Variants in SRPK1 observed in about 807,000 individuals in gnomAD.
The protein encoded by SRPK1 is SFRS protein kinase 1.
SRPK1 carries 52 observed loss-of-function variants against 89.5 expected under a neutral mutation model. The observed-to-expected ratio is 0.58, with a 90% CI of 0.46 to 0.73. The LOEUF is 0.73. Ranked by LOEUF, SRPK1 falls within the 30% of genes least tolerant of loss-of-function variation. The probability of loss-of-function intolerance (pLI) is 0.00; values close to 1 mark genes in which losing one functional copy is unlikely to be tolerated. For synonymous variants in SRPK1, 255 were observed against 270.2 expected (o/e 0.94, Z 0.55); for missense variants, 603 against 780.6 (o/e 0.77, Z 2.71).
chr6:35,884,334 T>C (rs1324802835), intron 6 of SRPK1, among the ~76,000 whole-genome samples: 2 of 152,200 alleles, frequency 1.3e-5, no homozygotes, highest in Non-Finnish European at 2.9e-5. Flanking sequence ...CCAGTTTATA[T>C]GGAATTCTGT....
At chr6:35,908,608 G>A (rs931344414) in intron 2 of SRPK1, among the ~76,000 whole-genome samples, 1 of 152,182 alleles carries the variant, frequency 6.6e-6, no homozygotes, top group Admixed American at 6.5e-5. Context: ...TTGAAATTGG[G>A]ACTTATGTTT....
At chr6:35,897,431 G>A (rs553530768) in intron 2 of SRPK1, among the ~76,000 whole-genome samples, 1 of 152,314 alleles carries the variant, frequency 6.6e-6, no homozygotes, top group South Asian at 2.1e-4. Flanking sequence ...AAAGCAATGG[G>A]TAAAAGTAGT....
At chr6:35,835,977 A>C (rs1015876286) in intron 15 of SRPK1, among the ~76,000 whole-genome samples, 11 of 152,248 alleles carry the variant, frequency 7.2e-5, no homozygotes, top group South Asian at 6.2e-4. Flanking sequence ...AACAAAAAAA[A>C]CCCCAAATCC....
At chr6:35,920,981 G>A in intron 1 of SRPK1, 63 bp downstream of exon 1, 2 of 1,511,448 alleles carry the variant, frequency 1.3e-6, no homozygotes, top group Non-Finnish European at 1.8e-6. Context: ...AGCTCCCGGC[G>A]CTGACCCGGG....
chr6:35,902,266 A>T (rs2127264002), intron 2 of SRPK1, among the ~76,000 whole-genome samples: 1 of 150,560 alleles, frequency 6.6e-6, no homozygotes, highest in South Asian at 2.1e-4. Context: ...AAAAAAGATT[A>T]GCCAGTCTTG....
chr6:35,870,711 G>A (rs565508950), intron 9 of SRPK1, among the ~76,000 whole-genome samples: 15 of 152,246 alleles, frequency 9.9e-5, no homozygotes, highest in South Asian at 2.1e-4. Flanking sequence ...TGAGCAGTCC[G>A]TGGGGTTGGT....
intron 7 of SRPK1, among the ~76,000 whole-genome samples, chr6:35,873,973 G>A (rs1031308475): frequency 6.6e-6 from 1 of 151,788 alleles, no homozygotes; most frequent in African/African-American, 2.4e-5. Flanking sequence ...GACTACAGGT[G>A]CCTGCCAAGA....
Position 35,833,628 on chromosome 6 carries a change from G to A in SRPK1, c.*1676C>T, listed in dbSNP as rs932408707. 3 of 152,618 alleles carry A rather than the reference G, an allele frequency of 2.0e-5. No individual in the cohort carries two copies. The highest frequency in any genetic ancestry group is 7.2e-5 in the African/African-American group (3 of 41,434). The allele number at this position is 152,618 out of a possible 1,614,324, so 9.5% of individuals were successfully genotyped here. A position where few individuals can be genotyped will look rare whatever the true frequency, so the allele number is the denominator to read the frequency against. On this transcript the variant is annotated 3_prime_UTR_variant, in exon 16 of 16. Transcript: ENST00000373825. Reference sequence around the variant, plus strand: ...TCTACAGGAACATGTCTGATTTCAGGAGTACCCAATGAAGGATCCGATGAA... The same window carrying A: ...TCTACAGGAACATGTCTGATTTCAGAAGTACCCAATGAAGGATCCGATGAA...
At position 35,913,969 on chromosome 6, in the gene SRPK1, C is replaced by CTTT. The variant is rs545555860; in HGVS notation, c.74+6496_74+6498dup. 5.8e-4 allele frequency among the ~76,000 whole-genome samples: 54 copies of CTTT among 92,922 alleles called. 1 individual carries two copies. Among genetic ancestry groups the CTTT allele is most frequent in the South Asian group, 9.5e-4 (2 of 2,116 alleles). The allele number at this position is 92,922 out of a possible 152,430, so 61.0% of individuals were successfully genotyped here. On this transcript the variant is annotated intron_variant, in intron 2 of 15. Coordinates refer to ENST00000373825, the MANE Select transcript of SRPK1 (RefSeq NM_003137.5). ...TGCCGCACAACAAAGGATACTTTCT[C>CTTT]TTTTTTTTTTTTTTTTTTTTTTTGA...
intron 2 of SRPK1, among the ~76,000 whole-genome samples, chr6:35,911,918 C>T (rs1018474799): frequency 4.9e-5 from 7 of 143,162 alleles, no homozygotes; most frequent in Admixed American, 1.4e-4. Flanking sequence ...TCATCGCATA[C>T]TACAGAAAAA....
chr6:35,876,439 A>C (rs1167856462), intron 6 of SRPK1, among the ~76,000 whole-genome samples: 10 of 152,150 alleles, frequency 6.6e-5, no homozygotes. Context: ...GAGTTCAAGA[A>C]GACCAGCCTG....
At chr6:35,862,491 A>C (rs983107753) in intron 12 of SRPK1, among the ~76,000 whole-genome samples, 2 of 152,212 alleles carry the variant, frequency 1.3e-5, no homozygotes, top group African/African-American at 4.8e-5. Context: ...TACTTAACCA[A>C]CAACATATAT....
At position 35,885,260 on chromosome 6, in the gene SRPK1, A is replaced by AACACACACACAC. The variant is rs71540130; in HGVS notation, c.478+1452_478+1463dup. On this transcript the variant is annotated intron_variant, in intron 6 of 15. Transcript: ENST00000373825. The stretch of plus-strand genomic sequence containing the variant: ...TTGGTTTAGAATTCTTAATTCTTTG[A>AACACACACACAC]ACACACACACACACACACACACACA... 2.4e-3 allele frequency among the ~76,000 whole-genome samples: 263 copies of AACACACACACAC among 111,812 alleles called. 5 individuals are homozygous for AACACACACACAC. Among genetic ancestry groups the AACACACACACAC allele is most frequent in the African/African-American group, 8.4e-3 (211 of 25,036 alleles). The allele number at this position is 111,812 out of a possible 152,430, so 73.4% of individuals were successfully genotyped here.
rs1000777319 is a variant in SRPK1, at chr6:35,894,494, G to A, written c.75-3481C>T. Reference sequence around the variant, plus strand: ...CCCACATCTGAATAATAGAGTTGCAGAAAGAGAAACTTATGAAAATAGAAG... The same window carrying A: ...CCCACATCTGAATAATAGAGTTGCAAAAAGAGAAACTTATGAAAATAGAAG... On this transcript the variant is annotated intron_variant, in intron 2 of 15. Coordinates refer to ENST00000373825, the MANE Select transcript of SRPK1 (RefSeq NM_003137.5). Among the ~76,000 whole-genome samples the A allele has an allele frequency of 5.9e-5, 9 of 152,258 alleles. No homozygotes were observed. The East Asian group carries it at 1.5e-3, about 26-fold the overall frequency.
chr6:35,913,421 G>C (rs1227586643), intron 2 of SRPK1, among the ~76,000 whole-genome samples: 1 of 152,132 alleles, frequency 6.6e-6, no homozygotes, highest in Non-Finnish European at 1.5e-5. Flanking sequence ...TCCAACTCGG[G>C]AGGTGGAGGT....
intron 2 of SRPK1, chr6:35,920,096 G>A (rs1408183937): frequency 1.1e-5 from 5 of 467,596 alleles, no homozygotes; most frequent in Non-Finnish European, 1.7e-5. Flanking sequence ...TTAAGACGTT[G>A]GGGAGCAGGT....
chr6:35,905,318 G>C (rs752341262), intron 2 of SRPK1, among the ~76,000 whole-genome samples: 2 of 152,090 alleles, frequency 1.3e-5, no homozygotes, highest in Non-Finnish European at 2.9e-5. Flanking sequence ...ATATAAAGGA[G>C]GAGGCACACT....
chr6:35,908,614 T>C lies in SRPK1; in HGVS notation c.74+11854A>G, dbSNP rs573666106. 3.7e-4 allele frequency among the ~76,000 whole-genome samples: 56 copies of C among 152,362 alleles called. 1 individual carries two copies. The highest frequency in any genetic ancestry group is 1.2e-3 in the Admixed American group (18 of 15,308). On this transcript the variant is annotated intron_variant, in intron 2 of 15. Transcript: ENST00000373825. ...AGAAATCATTTGAAATTGGGACTTA[T>C]GTTTAAAAGTGAAACAAAGAATAAA...
rs537432404 is a variant in SRPK1, at chr6:35,842,737, A to AC, written c.1621-134_1621-133insG. On this transcript the variant is annotated intron_variant, in intron 13 of 15. Transcript: ENST00000373825. The stretch of plus-strand genomic sequence containing the variant: ...ACTTATAGATCATTTAAAAAAAAAA[A>AC]AAAACAAAAACTTAAGATTATTCCT... The AC allele has an allele frequency of 4.4e-5, 23 of 517,062 alleles. No homozygotes were observed. In the African/African-American group the frequency reaches 4.5e-4, roughly 10 times the overall value. 32.0% of individuals were successfully genotyped at this position (517,062 alleles called of 1,614,324 possible).
Sources: gnomAD v4.1 joint callset for allele counts (sites outside exome capture counted in the v4.1 genomes callset) on GRCh38, gnomAD v4.1.1 for gene constraint, MANE v1.5 for transcripts, NCBI Gene and HGNC (gene_info 2026-07-23, HGNC 2026-07-21) for gene names.